Variants in CACNA2D1 observed in about 807,000 individuals in gnomAD.
The protein encoded by CACNA2D1 is calcium voltage-gated channel auxiliary subunit alpha2delta 1.
Under a neutral mutation model 171.5 loss-of-function variants are expected in CACNA2D1, and 53 were observed. That is an observed-to-expected ratio of 0.31 (90% CI 0.25 to 0.39). The LOEUF (loss-of-function observed/expected upper bound fraction) is 0.39, where lower values mean the gene tolerates loss of function less well. Ranked by LOEUF, CACNA2D1 falls within the 10% of genes least tolerant of loss-of-function variation. The probability of loss-of-function intolerance (pLI) is 1.00; values close to 1 mark genes in which losing one functional copy is unlikely to be tolerated. For missense variants in CACNA2D1, 903 were observed against 1,299.8 expected (o/e 0.69, Z 4.69); for synonymous variants, 442 against 443.1 (o/e 1.00, Z 0.03).
At chr7:82,313,268 A>G (rs926822478) in intron 3 of CACNA2D1, among the ~76,000 whole-genome samples, 2 of 152,160 alleles carry the variant, frequency 1.3e-5, no homozygotes, top group Non-Finnish European at 2.9e-5. Flanking sequence ...AGACTAAAGG[A>G]AACCAAAAAG....
At chr7:82,293,492 C>G (rs1811909070) in intron 3 of CACNA2D1, among the ~76,000 whole-genome samples, 1 of 152,164 alleles carries the variant, frequency 6.6e-6, no homozygotes, top group Admixed American at 6.5e-5. Context: ...TTGCAAATCC[C>G]AAAATGTCAG....
intron 24 of CACNA2D1, 68 bp downstream of exon 24, chr7:81,982,499 C>A: frequency 1.2e-6 from 1 of 862,486 alleles, no homozygotes; most frequent in Non-Finnish European, 2.0e-6. Context: ...AGTCTTGACT[C>A]AATTCTGAAC....
chr7:81,958,458 TAGAC>T (rs1180685065), intron 38 of CACNA2D1, among the ~76,000 whole-genome samples: 10 of 151,982 alleles, frequency 6.6e-5, no homozygotes, highest in Non-Finnish European at 1.3e-4. Flanking sequence ...TAAAAAGAGG[TAGAC>T]AGAGATTTTT....
chr7:82,201,328 C>T (rs912798181), intron 3 of CACNA2D1, among the ~76,000 whole-genome samples: 1 of 152,176 alleles, frequency 6.6e-6, no homozygotes, highest in Non-Finnish European at 1.5e-5. Flanking sequence ...GGATGTATCA[C>T]ATATAATCTG....
intron 1 of CACNA2D1, among the ~76,000 whole-genome samples, chr7:82,403,408 C>G (rs1826665546): frequency 6.6e-6 from 1 of 152,166 alleles, no homozygotes; most frequent in African/African-American, 2.4e-5. Context: ...TGTAAAGTCT[C>G]TAAAAGTAAG....
At chr7:82,121,956 T>G (rs1025148361) in intron 5 of CACNA2D1, among the ~76,000 whole-genome samples, 3 of 152,042 alleles carry the variant, frequency 2.0e-5, no homozygotes, top group Non-Finnish European at 2.9e-5. Flanking sequence ...AAAATTAACA[T>G]GAAAAGTAAA....
intron 3 of CACNA2D1, among the ~76,000 whole-genome samples, chr7:82,194,614 C>T (rs12707478): frequency 0.23 from 35,131 of 151,630 alleles, 5,026 homozygotes; most frequent in Non-Finnish European, 0.32. Context: ...AATACTCTAT[C>T]ATGTTTTCAT....
intron 4 of CACNA2D1, among the ~76,000 whole-genome samples, chr7:82,145,282 A>T (rs935419551): frequency 2.7e-5 from 4 of 145,760 alleles, no homozygotes; most frequent in African/African-American, 5.0e-5. Context: ...AAAATAAAAT[A>T]AAAAATAAAA....
chr7:82,016,602 AGCCGCCC>A, intron 12 of CACNA2D1, among the ~76,000 whole-genome samples: 1 of 19,744 alleles, frequency 5.1e-5, no homozygotes, highest in Middle Eastern at 0.026. Flanking sequence ...AATAAACACT[AGCCGCCC>A]GCCCCCCCCC....
At chr7:82,091,761 C>T (rs1430031627) in intron 6 of CACNA2D1, among the ~76,000 whole-genome samples, 4 of 152,162 alleles carry the variant, frequency 2.6e-5, no homozygotes, top group Non-Finnish European at 5.9e-5. Context: ...CTAAGCTTTT[C>T]TCTCCTTAGT....
At chr7:82,371,844 C>T (rs983754050) in intron 1 of CACNA2D1, among the ~76,000 whole-genome samples, 4 of 152,096 alleles carry the variant, frequency 2.6e-5, no homozygotes, top group African/African-American at 7.2e-5. Context: ...GGATTACAGA[C>T]GTGAGCCACC....
intron 3 of CACNA2D1, among the ~76,000 whole-genome samples, chr7:82,213,700 CTCATCTTT>C (rs1459112752): frequency 3.3e-5 from 5 of 152,162 alleles, no homozygotes; most frequent in Admixed American, 3.3e-4. Flanking sequence ...CTCTTCTGTC[CTCATCTTT>C]TGTCAATCTC....
intron 7 of CACNA2D1, among the ~76,000 whole-genome samples, chr7:82,081,574 G>C (rs185985434): frequency 1.2e-4 from 18 of 152,292 alleles, no homozygotes; most frequent in African/African-American, 4.3e-4. Flanking sequence ...GTTATTTGGT[G>C]AGTCATTTTG....
At chr7:82,169,095 C>T (rs1038979933) in intron 4 of CACNA2D1, among the ~76,000 whole-genome samples, 1 of 151,962 alleles carries the variant, frequency 6.6e-6, no homozygotes, top group Non-Finnish European at 1.5e-5. Context: ...GTTAATCAAA[C>T]ATATATTTAG....
chr7:82,219,559 C>G (rs916437032), intron 3 of CACNA2D1, among the ~76,000 whole-genome samples: 2 of 152,098 alleles, frequency 1.3e-5, no homozygotes, highest in Middle Eastern at 3.4e-3. Context: ...TAGTCTAATT[C>G]TAGGTGACAT....
Position 82,295,823 on chromosome 7 carries a change from G to A in CACNA2D1, c.294+39312C>T, listed in dbSNP as rs536669226. On this transcript the variant is annotated intron_variant, in intron 3 of 38. Transcript: ENST00000356860. ...ACACATGAACACGTATGTTTATTGCGGCACTATTCACAATAGCAAAGACTT... is the reference window on the plus strand; with the variant it reads ...ACACATGAACACGTATGTTTATTGCAGCACTATTCACAATAGCAAAGACTT... Among the ~76,000 whole-genome samples the A allele has an allele frequency of 1.1e-3, 167 of 151,910 alleles. 1 individual carries two copies. The highest frequency in any genetic ancestry group is 2.6e-3 in the African/African-American group (106 of 41,438).
rs556448075 is a variant in CACNA2D1, at chr7:82,140,258, G to A, written c.355-3582C>T. Among the ~76,000 whole-genome samples the A allele has an allele frequency of 1.6e-4, 25 of 152,220 alleles. No homozygotes were observed. In the East Asian group the frequency reaches 1.9e-3, roughly 12 times the overall value. ...GGCTGTCACATTTTAAGAAGAGAAC[G>A]TAGACCTTAGTGGAATTTGCAACCA... On this transcript the variant is annotated intron_variant, in intron 4 of 38. Coordinates refer to ENST00000356860, the MANE Select transcript of CACNA2D1 (RefSeq NM_000722.4).
intron 12 of CACNA2D1, among the ~76,000 whole-genome samples, chr7:82,025,646 T>C (rs923266114): frequency 2.0e-5 from 3 of 151,716 alleles, no homozygotes; most frequent in African/African-American, 4.8e-5. Context: ...TCCACTGTGG[T>C]CAGTAAGGAG....
intron 12 of CACNA2D1, among the ~76,000 whole-genome samples, chr7:82,016,673 C>T (rs1167519678): frequency 7.3e-6 from 1 of 137,652 alleles, no homozygotes; most frequent in Non-Finnish European, 1.5e-5. Context: ...TTTCACTTAA[C>T]TTCTACGTGT....
Sources: gnomAD v4.1 joint callset for allele counts (sites outside exome capture counted in the v4.1 genomes callset) on GRCh38, gnomAD v4.1.1 for gene constraint, MANE v1.5 for transcripts, NCBI Gene and HGNC (gene_info 2026-07-23, HGNC 2026-07-21) for gene names.